CSMD1: variants seen among roughly 807,000 people sequenced by gnomAD.
CSMD1 encodes the protein CUB and sushi domain-containing protein 1.
In CSMD1, 213 loss-of-function variants were observed where a neutral mutation model predicts 417.5. The ratio of observed to expected loss-of-function variants is 0.51; its 90% CI spans 0.46 to 0.57. The LOEUF (loss-of-function observed/expected upper bound fraction) is 0.57, where lower values mean the gene tolerates loss of function less well. CSMD1 is among the 20% of genes least tolerant of loss of function. The probability of loss-of-function intolerance (pLI) is 0.00; values close to 1 mark genes in which losing one functional copy is unlikely to be tolerated. For missense variants in CSMD1, 6,923 were observed against 4,529.7 expected (o/e 1.53, Z -15.17); for synonymous variants, 2,862 against 1,736.8 (o/e 1.65, Z -16.11).
At chr8:3,015,333 A>C (rs2128966217) in intron 52 of CSMD1, among the ~76,000 whole-genome samples, 1 of 152,200 alleles carries the variant, frequency 6.6e-6, no homozygotes, top group East Asian at 1.9e-4. Flanking sequence ...CTTGCAGAAA[A>C]TCTGGTATAG....
At chr8:4,681,680 C>T (rs1444150493) in intron 1 of CSMD1, among the ~76,000 whole-genome samples, 1 of 152,068 alleles carries the variant, frequency 6.6e-6, no homozygotes, top group South Asian at 2.1e-4. Flanking sequence ...CCCCCCTTTT[C>T]CTCATACAAA....
intron 7 of CSMD1, among the ~76,000 whole-genome samples, chr8:3,645,237 G>C (rs968340351): frequency 1.3e-5 from 2 of 152,152 alleles, no homozygotes; most frequent in African/African-American, 4.8e-5. Flanking sequence ...GACCTCTCTA[G>C]ACCAACCATG....
chr8:3,294,015 C>G (rs1321852663), intron 25 of CSMD1, among the ~76,000 whole-genome samples: 2 of 116,644 alleles, frequency 1.7e-5, no homozygotes, highest in African/African-American at 2.5e-5. Flanking sequence ...GTGTGGATGT[C>G]CTTTCTGTTT....
At chr8:3,901,932 G>C (rs1176343366) in intron 5 of CSMD1, among the ~76,000 whole-genome samples, 2 of 152,150 alleles carry the variant, frequency 1.3e-5, no homozygotes, top group African/African-American at 2.4e-5. Context: ...CTATGAACAA[G>C]AGGACCAGAC....
Position 4,148,029 on chromosome 8 carries a change from T to C in CSMD1, c.416-115930A>G, listed in dbSNP as rs186192080. ...GGTTCCATGATTGTTTCCCATAGTC[T>C]GTTCTATGACCTTTACGGTAAAGAA... On this transcript the variant is annotated intron_variant, in intron 3 of 69. Transcript: ENST00000635120. Among the ~76,000 whole-genome samples, 11 of 152,232 alleles carry C rather than the reference T, an allele frequency of 7.2e-5. No individual in the cohort carries two copies. The East Asian group carries it at 1.9e-3, about 27-fold the overall frequency.
chr8:3,274,883 G>A (rs1021815884), intron 26 of CSMD1, among the ~76,000 whole-genome samples: 2 of 152,074 alleles, frequency 1.3e-5, no homozygotes, highest in Non-Finnish European at 2.9e-5. Flanking sequence ...TCTGTGTCCA[G>A]TTTGCCAGTC....
At chr8:4,863,928 T>A (rs1245880619) in intron 1 of CSMD1, among the ~76,000 whole-genome samples, 10 of 141,620 alleles carry the variant, frequency 7.1e-5, no homozygotes, top group Non-Finnish European at 1.4e-4. Flanking sequence ...GTTATTTTTC[T>A]TCATAAATAA....
At chr8:3,188,713 C>T (rs1554457894) in intron 35 of CSMD1, among the ~76,000 whole-genome samples, 174 bp downstream of exon 35, 1 of 150,562 alleles carries the variant, frequency 6.6e-6, no homozygotes, top group Non-Finnish European at 1.5e-5. Context: ...TGTTGAAATA[C>T]TAAGAAAAGG....
At chr8:4,021,950 C>T (rs987259103) in intron 4 of CSMD1, among the ~76,000 whole-genome samples, 1 of 151,846 alleles carries the variant, frequency 6.6e-6, no homozygotes, top group African/African-American at 2.4e-5. Context: ...TTATTTTTTT[C>T]AACTAGCTTC....
At chr8:3,595,381 G>A (rs1276599367) in intron 8 of CSMD1, among the ~76,000 whole-genome samples, 1 of 152,122 alleles carries the variant, frequency 6.6e-6, no homozygotes, top group African/African-American at 2.4e-5. Context: ...CACATAATGT[G>A]TCTTTTCTGG....
At chr8:3,998,613 TAA>T (rs1013587370) in intron 4 of CSMD1, among the ~76,000 whole-genome samples, 7 of 152,088 alleles carry the variant, frequency 4.6e-5, no homozygotes, top group African/African-American at 1.7e-4. Context: ...TTGAGTAACA[TAA>T]AAGAGGCACA....
At chr8:4,848,609 G>T (rs766273899) in intron 1 of CSMD1, among the ~76,000 whole-genome samples, 1 of 151,402 alleles carries the variant, frequency 6.6e-6, no homozygotes, top group Non-Finnish European at 1.5e-5. Context: ...GCACCGTGTC[G>T]GCTCACTACA....
At chr8:3,138,629 G>C (rs770707681) in intron 41 of CSMD1, among the ~76,000 whole-genome samples, 1 of 152,160 alleles carries the variant, frequency 6.6e-6, no homozygotes, top group African/African-American at 2.4e-5. Flanking sequence ...AAACAGTTCC[G>C]AATGACTAAC....
chr8:4,353,096 G>A lies in CSMD1; in HGVS notation c.415+66857C>T, dbSNP rs191765008. 6.7e-4 allele frequency among the ~76,000 whole-genome samples: 102 copies of A among 152,284 alleles called. 1 individual carries two copies. Among genetic ancestry groups the A allele is most frequent in the Non-Finnish European group, 1.2e-4 (8 of 68,016 alleles). On this transcript the variant is annotated intron_variant, in intron 3 of 69. Transcript: ENST00000635120. The stretch of plus-strand genomic sequence containing the variant: ...TGTCAACTTCACTTATTTTTTACCT[G>A]AAGTAATATAACATTCGGTTTATGT...
At chr8:4,430,417 T>C (rs1295983812) in intron 2 of CSMD1, among the ~76,000 whole-genome samples, 2 of 152,148 alleles carry the variant, frequency 1.3e-5, no homozygotes, top group African/African-American at 4.8e-5. Context: ...TATGACATAG[T>C]CTACCTTCTC....
intron 4 of CSMD1, among the ~76,000 whole-genome samples, chr8:4,024,798 C>T (rs1485970564): frequency 6.6e-6 from 1 of 152,194 alleles, no homozygotes; most frequent in African/African-American, 2.4e-5. Context: ...CAGCTTGTGA[C>T]TGGGAACTTC....
At chr8:2,996,851 G>A (rs947869520) in intron 54 of CSMD1, among the ~76,000 whole-genome samples, 1 of 152,232 alleles carries the variant, frequency 6.6e-6, no homozygotes, top group African/African-American at 2.4e-5. Flanking sequence ...GAAAGAAGAA[G>A]AAAAGTTGTA....
chr8:3,961,469 A>G (rs1336264290), intron 5 of CSMD1, among the ~76,000 whole-genome samples: 1 of 152,172 alleles, frequency 6.6e-6, no homozygotes, highest in African/African-American at 2.4e-5. Flanking sequence ...TAAAAATGAC[A>G]TTTTAAAAGT....
chr8:4,833,980 C>A (rs1800306094), intron 1 of CSMD1, among the ~76,000 whole-genome samples: 1 of 152,168 alleles, frequency 6.6e-6, no homozygotes, highest in South Asian at 2.1e-4. Flanking sequence ...CTTGAAGAGT[C>A]TCTCACAGGA....
Sources: allele counts gnomAD v4.1 joint callset (sites outside exome capture counted in the v4.1 genomes callset), GRCh38; gene constraint gnomAD v4.1.1; transcripts MANE v1.5; gene names NCBI Gene and HGNC (gene_info 2026-07-23, HGNC 2026-07-21).